The following CEP112 variants were observed in gnomAD, a reference collection of about 807,000 sequenced individuals.
CEP112 encodes centrosomal protein of 112 kDa.
A neutral mutation model predicts 153.0 loss-of-function variants in CEP112; 127 were observed. That is an observed-to-expected ratio of 0.83 (90% CI 0.72 to 0.96). The LOEUF (loss-of-function observed/expected upper bound fraction) is 0.96. CEP112 is among the 40% of genes least tolerant of loss of function. The pLI is 0.00. For synonymous variants in CEP112, 358 were observed against 374.4 expected, an observed-to-expected ratio of 0.96 and a Z score of 0.51; for missense variants, 1,089 against 1,101.2, an observed-to-expected ratio of 0.99 and a Z score of 0.16.
intron 11 of CEP112, among the ~76,000 whole-genome samples, chr17:66,059,201 A>C (rs1284641129): frequency 6.6e-6 from 1 of 152,190 alleles, no homozygotes; most frequent in East Asian, 1.9e-4. Flanking sequence ...TAAAAATCCT[A>C]GAAGAAAACC....
Position 65,961,508 on chromosome 17 carries a change from C to T in CEP112, c.1827G>A (p.Gln609=). ...ADAALEEFKR[Q]VELNSEKVYA... Reference sequence around the variant, plus strand: ...AGACTTTCTCTGAGTTCAGTTCCACCTGCCGCTTAAACTCTTCCAGAGCGG... The same window carrying T: ...AGACTTTCTCTGAGTTCAGTTCCACTTGCCGCTTAAACTCTTCCAGAGCGG... Residue 609 remains glutamine (Q), a synonymous_variant, in exon 18 of 27, where the codon CAG becomes CAA. Coordinates refer to ENST00000535342, the MANE Select transcript of CEP112 (RefSeq NM_001199165.4). 1 of 1,613,184 alleles carries T rather than the reference C, an allele frequency of 6.2e-7. No homozygotes were observed. Among genetic ancestry groups the T allele is most frequent in the Non-Finnish European group, 8.5e-7 (1 of 1,179,200 alleles).
chr17:65,956,411 C>CACACACACAT (rs2062004923), intron 18 of CEP112, among the ~76,000 whole-genome samples: 1 of 130,084 alleles, frequency 7.7e-6, no homozygotes, highest in Admixed American at 7.2e-5. Context: ...TACATACATA[C>CACACACACAT]ACACACACAC....
chr17:66,085,933 C>T (rs964878691), intron 8 of CEP112, among the ~76,000 whole-genome samples: 4 of 145,650 alleles, frequency 2.7e-5, no homozygotes, highest in African/African-American at 7.6e-5. Flanking sequence ...GCTGAAACTA[C>T]GCCACTCTAC....
At position 65,902,285 on chromosome 17, in the gene CEP112, T is replaced by C. The variant is rs1406575033; in HGVS notation, c.2030A>G (p.Gln677Arg). 6 of 1,613,872 alleles carry C rather than the reference T, an allele frequency of 3.7e-6. No homozygotes were observed. Among genetic ancestry groups the C allele is most frequent in the Non-Finnish European group, 5.1e-6 (6 of 1,179,994 alleles). ...GCTATCCTTCTCTGCGTTATGCTGC[T>C]GTAATAGGTGCGTCTTCTCCTGTTC... ...EHEQEKTHLL[Q>R]QHNAEKDSLV... The change falls in exon 20 of 27, where the codon CAG becomes CGG. Residue 677 changes from glutamine (Q) to arginine (R), a missense_variant. Physicochemically the swap from Gln to Arg is conservative, Grantham distance 43. Transcript: ENST00000535342.
At chr17:65,784,277 G>C (rs2054154822) in intron 21 of CEP112, among the ~76,000 whole-genome samples, 1 of 152,202 alleles carries the variant, frequency 6.6e-6, no homozygotes, top group Admixed American at 6.5e-5. Context: ...TATAACAGAA[G>C]TGACTTTACT....
intron 23 of CEP112, among the ~76,000 whole-genome samples, chr17:65,727,394 T>C (rs181029511): frequency 7.2e-5 from 11 of 152,344 alleles, no homozygotes; most frequent in Admixed American, 5.2e-4. Context: ...CACAGTGATT[T>C]AAGATTTCTT....
chr17:65,794,546 C>T (rs993991803), intron 21 of CEP112, among the ~76,000 whole-genome samples: 9 of 152,176 alleles, frequency 5.9e-5, no homozygotes, highest in African/African-American at 1.7e-4. Flanking sequence ...GGAAACTCCC[C>T]CTGGCGAAAC....
intron 8 of CEP112, among the ~76,000 whole-genome samples, chr17:66,081,614 C>A (rs368247075): frequency 8.6e-4 from 120 of 138,832 alleles, no homozygotes; most frequent in Admixed American, 9.3e-4. Flanking sequence ...GACTCACAGA[C>A]AAAAAAAAAA....
chr17:65,671,278 G>A (rs2046968846), intron 24 of CEP112, among the ~76,000 whole-genome samples: 1 of 152,190 alleles, frequency 6.6e-6, no homozygotes, highest in Admixed American at 6.5e-5. Context: ...TCCCGAAGGG[G>A]AAATTGGGAG....
At chr17:65,802,756 C>T (rs571176611) in intron 21 of CEP112, among the ~76,000 whole-genome samples, 3 of 152,296 alleles carry the variant, frequency 2.0e-5, no homozygotes, top group Non-Finnish European at 4.4e-5. Context: ...TAGGACTCAT[C>T]GTGATGCCTA....
intron 20 of CEP112, among the ~76,000 whole-genome samples, chr17:65,861,571 C>T (rs2058310908): frequency 6.6e-6 from 1 of 152,042 alleles, no homozygotes; most frequent in African/African-American, 2.4e-5. Flanking sequence ...AATAACCCAA[C>T]AGAAAATAAG....
At chr17:66,037,528 C>T (rs2065787384) in intron 12 of CEP112, among the ~76,000 whole-genome samples, 1 of 152,152 alleles carries the variant, frequency 6.6e-6, no homozygotes, top group Non-Finnish European at 1.5e-5. Context: ...AGTATTTATG[C>T]ATAGTCTTTC....
At chr17:65,665,847 C>G (rs1397358319) in intron 24 of CEP112, among the ~76,000 whole-genome samples, 1 of 152,070 alleles carries the variant, frequency 6.6e-6, no homozygotes, top group African/African-American at 2.4e-5. Flanking sequence ...GACTTTGTAC[C>G]CTATGAGCTG....
At chr17:65,797,715 T>C (rs1180643000) in intron 21 of CEP112, among the ~76,000 whole-genome samples, 5 of 152,218 alleles carry the variant, frequency 3.3e-5, no homozygotes, top group African/African-American at 1.2e-4. Flanking sequence ...GGAAGGCTCA[T>C]TGACTTTCTT....
intron 6 of CEP112, among the ~76,000 whole-genome samples, chr17:66,105,161 GTTT>G (rs889164049): frequency 6.6e-6 from 1 of 152,124 alleles, no homozygotes; most frequent in African/African-American, 2.4e-5. Context: ...GAAGTGTAGA[GTTT>G]TTATTAGTTT....
At chr17:65,912,740 AT>A (rs1297162120) in intron 19 of CEP112, among the ~76,000 whole-genome samples, 1 of 152,216 alleles carries the variant, frequency 6.6e-6, no homozygotes, top group East Asian at 1.9e-4. Context: ...TGTATCCAAA[AT>A]TATATTGATC....
intron 18 of CEP112, among the ~76,000 whole-genome samples, chr17:65,945,822 T>A (rs765327835): frequency 6.8e-4 from 104 of 152,060 alleles, no homozygotes; most frequent in Non-Finnish European, 1.4e-3. Flanking sequence ...AATTTTTGTA[T>A]TTTTAGTAGA....
At chr17:66,017,925 G>C (rs1405447388) in intron 16 of CEP112, among the ~76,000 whole-genome samples, 10 of 151,546 alleles carry the variant, frequency 6.6e-5, no homozygotes, top group African/African-American at 2.4e-4. Flanking sequence ...TCTTGAACCC[G>C]AGAGGCAGAG....
intron 21 of CEP112, among the ~76,000 whole-genome samples, chr17:65,778,655 A>G (rs1474318213): frequency 1.3e-5 from 2 of 152,244 alleles, no homozygotes; most frequent in Non-Finnish European, 2.9e-5. Context: ...TTTTAGATAA[A>G]AAGATGGCTA....
Sources: gnomAD v4.1 joint callset for allele counts (sites outside exome capture counted in the v4.1 genomes callset) on GRCh38, gnomAD v4.1.1 for gene constraint, MANE v1.5 for transcripts, NCBI Gene and HGNC (gene_info 2026-07-23, HGNC 2026-07-21) for gene names.